The following FUT8 variants were observed in gnomAD, a reference collection of about 807,000 sequenced individuals.
The protein encoded by FUT8 is alpha-(1,6)-fucosyltransferase.
FUT8 carries 29 observed loss-of-function variants against 71.3 expected under a neutral mutation model. The observed-to-expected ratio is 0.41, with a 90% CI of 0.30 to 0.55. The LOEUF is 0.55. FUT8 is among the 20% of genes least tolerant of loss of function. The pLI, the probability that FUT8 is intolerant of heterozygous loss-of-function variation, is 0.34. For synonymous variants in FUT8, 254 were observed against 239.3 expected (o/e 1.06, Z -0.57); for missense variants, 544 against 702.1 (o/e 0.77, Z 2.55).
chr14:65,575,638 C>T (rs1306876669), intron 3 of FUT8, among the ~76,000 whole-genome samples: 3 of 140,726 alleles, frequency 2.1e-5, no homozygotes, highest in African/African-American at 7.9e-5. Context: ...TTTTTTTTTC[C>T]CCCACACTCT....
At chr14:65,493,989 A>G (rs1022764327) in intron 2 of FUT8, among the ~76,000 whole-genome samples, 5 of 152,120 alleles carry the variant, frequency 3.3e-5, no homozygotes, top group Non-Finnish European at 5.9e-5. Context: ...TCAGGGAGAA[A>G]GGAAATTTTG....
chr14:65,519,125 G>A (rs1412996323), intron 2 of FUT8, among the ~76,000 whole-genome samples: 1 of 152,010 alleles, frequency 6.6e-6, no homozygotes, highest in African/African-American at 2.4e-5. Flanking sequence ...AATACATGAA[G>A]GTCTGTTTTG....
At chr14:65,386,307 T>A in the FUT8 span, among the ~76,000 whole-genome samples, 2 of 151,242 alleles carry the variant, frequency 1.3e-5, no homozygotes, top group African/African-American at 4.9e-5. Context: ...GCATAGGCAT[T>A]TGAGACCAGC....
intron 2 of FUT8, among the ~76,000 whole-genome samples, chr14:65,525,911 A>G (rs1401771147): frequency 6.6e-6 from 1 of 152,170 alleles, no homozygotes; most frequent in Non-Finnish European, 1.5e-5. Context: ...GTTTGATTGC[A>G]CTGTGGTCTG....
chr14:65,669,187 C>T lies in FUT8; in HGVS notation c.598-56C>T, dbSNP rs201408063. ...ATGAAAGATTAAAAAAAAAAAAGAG[C>T]AGTTGACCTCTCTGTACAACTTATC... On this transcript the variant is annotated intron_variant, in intron 6 of 10. Transcript: ENST00000673929. The surrounding 1 kb of genome is among the most constrained non-coding windows in gnomAD (Gnocchi z 4.5). The T allele has an allele frequency of 1.1e-3, 1,392 of 1,244,378 alleles. 1 individual carries two copies. Among genetic ancestry groups the T allele is most frequent in the Non-Finnish European group, 1.5e-3 (1,282 of 880,556 alleles). 77.1% of individuals were successfully genotyped at this position (1,244,378 alleles called of 1,614,324 possible).
chr14:65,580,258 C>T (rs562274282), intron 3 of FUT8, among the ~76,000 whole-genome samples: 110 of 151,416 alleles, frequency 7.3e-4, no homozygotes, highest in African/African-American at 2.6e-3. Flanking sequence ...AGGCTACAAA[C>T]TTGTACAGCA....
At chr14:65,620,757 A>G (rs1018942335) in intron 5 of FUT8, among the ~76,000 whole-genome samples, 24 of 152,222 alleles carry the variant, frequency 1.6e-4, no homozygotes, top group African/African-American at 5.5e-4. Context: ...GACTTATATT[A>G]AGCTGGGATG....
intron 1 of FUT8, among the ~76,000 whole-genome samples, chr14:65,423,332 G>T (rs1263788211): frequency 6.8e-6 from 1 of 146,316 alleles, no homozygotes; most frequent in Non-Finnish European, 1.5e-5. Flanking sequence ...CGCAATCTCT[G>T]CTCACTGCCA....
chr14:65,419,924 A>G (rs2065269047), intron 1 of FUT8, among the ~76,000 whole-genome samples: 1 of 152,204 alleles, frequency 6.6e-6, no homozygotes, highest in South Asian at 2.1e-4. Flanking sequence ...TTTATTTTTA[A>G]GGTTCAAATA....
chr14:65,535,865 T>C (rs1309978292), intron 2 of FUT8, among the ~76,000 whole-genome samples: 1 of 152,176 alleles, frequency 6.6e-6, no homozygotes, highest in Non-Finnish European at 1.5e-5. Flanking sequence ...ATCTGTCTAA[T>C]ACTGTTGGTG....
intron 2 of FUT8, among the ~76,000 whole-genome samples, chr14:65,488,794 T>C (rs1410705678): frequency 1.3e-5 from 2 of 152,156 alleles, no homozygotes; most frequent in Non-Finnish European, 2.9e-5. Flanking sequence ...CAGGAAAGTG[T>C]GAATATTTGG....
intron 6 of FUT8, among the ~76,000 whole-genome samples, chr14:65,630,341 GTTCTT>G (rs893658549): frequency 6.6e-6 from 1 of 151,994 alleles, no homozygotes; most frequent in African/African-American, 2.4e-5. Flanking sequence ...TGTTTTTTGT[GTTCTT>G]TTCTAGTTCT....
chr14:65,706,859 A>G (rs1370560862), intron 7 of FUT8, among the ~76,000 whole-genome samples: 1 of 152,178 alleles, frequency 6.6e-6, no homozygotes, highest in East Asian at 1.9e-4. Flanking sequence ...AGACTTGAAA[A>G]TGTTCCTGAA....
intron 3 of FUT8, among the ~76,000 whole-genome samples, chr14:65,591,004 A>G (rs2140140326): frequency 6.6e-6 from 1 of 152,284 alleles, no homozygotes; most frequent in South Asian, 2.1e-4. Context: ...CCTATAGTTT[A>G]TTTGAAAAAT....
chr14:65,724,770 C>T (rs909996086), intron 9 of FUT8, among the ~76,000 whole-genome samples: 2 of 152,140 alleles, frequency 1.3e-5, no homozygotes, highest in African/African-American at 2.4e-5. Flanking sequence ...TTGTAAGCAG[C>T]CACTATTTCA....
chr14:65,401,541 G>A, the FUT8 span, among the ~76,000 whole-genome samples: 6 of 152,292 alleles, frequency 3.9e-5, no homozygotes, highest in East Asian at 3.9e-4. Flanking sequence ...TATCTATGCC[G>A]TAAGGAAGAT....
intron 7 of FUT8, among the ~76,000 whole-genome samples, chr14:65,690,484 T>C (rs188052192): frequency 6.0e-4 from 91 of 152,188 alleles, no homozygotes; most frequent in Non-Finnish European, 1.1e-3. Flanking sequence ...AAATTGACAT[T>C]GACAATATTG....
chr14:65,633,218 G>A (rs1041641600), intron 6 of FUT8, among the ~76,000 whole-genome samples: 2 of 152,204 alleles, frequency 1.3e-5, no homozygotes, highest in Admixed American at 6.5e-5. Flanking sequence ...ACGGGGTTTC[G>A]CTGTGTTGGC....
At chr14:65,629,901 T>C (rs1316001253) in intron 6 of FUT8, among the ~76,000 whole-genome samples, 1 of 151,308 alleles carries the variant, frequency 6.6e-6, no homozygotes, top group Non-Finnish European at 1.5e-5. Flanking sequence ...AGGAGAGAAA[T>C]AGATGAAATG....
Sources: allele counts gnomAD v4.1 joint callset (sites outside exome capture counted in the v4.1 genomes callset), GRCh38; gene constraint gnomAD v4.1.1; non-coding constraint Gnocchi (gnomAD v3.1); transcripts MANE v1.5; gene names NCBI Gene and HGNC (gene_info 2026-07-23, HGNC 2026-07-21).